The following BMERB1 variants were observed in gnomAD, a reference collection of about 807,000 sequenced individuals.
BMERB1 encodes the protein bMERB domain containing 1, also known as bMERB domain-containing protein 1.
A neutral mutation model predicts 23.6 loss-of-function variants in BMERB1; 12 were observed. The ratio of observed to expected loss-of-function variants is 0.51; its 90% CI spans 0.33 to 0.82. The LOEUF (loss-of-function observed/expected upper bound fraction) is 0.82, where lower values mean the gene tolerates loss of function less well. Ranked by LOEUF, BMERB1 falls within the 40% of genes least tolerant of loss-of-function variation. The pLI is 0.03. For synonymous variants in BMERB1, 122 were observed against 96.6 expected, an observed-to-expected ratio of 1.26 and a Z score of -1.54; for missense variants, 247 against 255.4, an observed-to-expected ratio of 0.97 and a Z score of 0.22.
At chr16:15,512,108 A>G (rs2051675151) in intron 1 of BMERB1, among the ~76,000 whole-genome samples, 1 of 151,370 alleles carries the variant, frequency 6.6e-6, no homozygotes, top group African/African-American at 2.4e-5. Context: ...CCAGAGAATT[A>G]CCTTCTTTCT....
At chr16:15,545,840 G>C (rs1465494108) in intron 2 of BMERB1, among the ~76,000 whole-genome samples, 1 of 152,144 alleles carries the variant, frequency 6.6e-6, no homozygotes, top group African/African-American at 2.4e-5. Context: ...AGGGTTTGGA[G>C]GTTGAGCAGC....
intron 1 of BMERB1, among the ~76,000 whole-genome samples, chr16:15,501,096 T>G (rs1463319152): frequency 2.6e-5 from 4 of 152,186 alleles, no homozygotes; most frequent in African/African-American, 9.7e-5. Context: ...ATCTATTGGA[T>G]TAAATAAAAT....
intron 2 of BMERB1, among the ~76,000 whole-genome samples, chr16:15,532,461 C>T (rs535396588): frequency 6.6e-6 from 1 of 152,046 alleles, no homozygotes; most frequent in South Asian, 2.1e-4. Flanking sequence ...AACTCCTGAC[C>T]TCGTGATTCG....
chr16:15,537,220 C>T (rs990671804), intron 2 of BMERB1, among the ~76,000 whole-genome samples: 2 of 152,170 alleles, frequency 1.3e-5, no homozygotes, highest in Non-Finnish European at 2.9e-5. Context: ...TGTCATCATT[C>T]AATGACTATT....
intron 1 of BMERB1, among the ~76,000 whole-genome samples, chr16:15,467,943 G>A (rs779963382): frequency 1.2e-4 from 19 of 152,100 alleles, no homozygotes; most frequent in East Asian, 3.8e-4. Context: ...ATTGATTGAA[G>A]GAGTTAAGTT....
At chr16:15,440,473 C>T (rs2050930654) in intron 1 of BMERB1, among the ~76,000 whole-genome samples, 1 of 151,980 alleles carries the variant, frequency 6.6e-6, no homozygotes, top group Admixed American at 6.6e-5. Context: ...TGAAATAATG[C>T]AAATTGCTGG....
At chr16:15,465,479 A>G (rs970711638) in intron 1 of BMERB1, among the ~76,000 whole-genome samples, 5 of 151,710 alleles carry the variant, frequency 3.3e-5, no homozygotes, top group African/African-American at 1.2e-4. Context: ...CAGCCTCCCA[A>G]GTAGCTGGGA....
intron 3 of BMERB1, among the ~76,000 whole-genome samples, chr16:15,579,824 C>G (rs1209855816): frequency 6.6e-6 from 1 of 152,224 alleles, no homozygotes; most frequent in Non-Finnish European, 1.5e-5. Context: ...TCTCCTCACC[C>G]CCTGCCTTTG....
At chr16:15,441,209 T>A (rs955710172) in intron 1 of BMERB1, among the ~76,000 whole-genome samples, 1 of 152,114 alleles carries the variant, frequency 6.6e-6, no homozygotes, top group Non-Finnish European at 1.5e-5. Flanking sequence ...TAACATGAAC[T>A]GTTATGTTTT....
intron 1 of BMERB1, among the ~76,000 whole-genome samples, chr16:15,437,334 C>A (rs1313410223): frequency 6.6e-6 from 1 of 152,110 alleles, no homozygotes; most frequent in Non-Finnish European, 1.5e-5. Context: ...CCTCACTCTG[C>A]CTTCATTTTC....
chr16:15,567,113 C>G (rs1022737870), intron 2 of BMERB1, among the ~76,000 whole-genome samples: 1 of 152,114 alleles, frequency 6.6e-6, no homozygotes, highest in African/African-American at 2.4e-5. Flanking sequence ...ATCCCTTGAG[C>G]CCAGGAGTTC....
chr16:15,489,685 C>T (rs942177381), intron 1 of BMERB1, among the ~76,000 whole-genome samples: 1 of 152,130 alleles, frequency 6.6e-6, no homozygotes, highest in Non-Finnish European at 1.5e-5. Flanking sequence ...CGTGGGTCCT[C>T]CATGACTCAT....
intron 3 of BMERB1, among the ~76,000 whole-genome samples, chr16:15,572,942 G>A (rs2030765702): frequency 1.3e-5 from 2 of 152,194 alleles, no homozygotes; most frequent in Non-Finnish European, 2.9e-5. Flanking sequence ...TGTGCTGCCT[G>A]CTGCCAAGTA....
chr16:15,551,190 A>G (rs1338624119), intron 2 of BMERB1, among the ~76,000 whole-genome samples: 2 of 152,308 alleles, frequency 1.3e-5, no homozygotes, highest in East Asian at 1.9e-4. Flanking sequence ...GGTGTCTATC[A>G]TGAGACTTGA....
At chr16:15,496,048 ATGG>A (rs1022043926) in intron 1 of BMERB1, among the ~76,000 whole-genome samples, 3 of 151,160 alleles carry the variant, frequency 2.0e-5, no homozygotes, top group Admixed American at 6.6e-5. Context: ...GGTGGTAATG[ATGG>A]TGGTGATGGT....
chr16:15,515,557 A>G, intron 2 of BMERB1, 129 bp downstream of exon 2: 1 of 1,295,290 alleles, frequency 7.7e-7, no homozygotes, highest in Non-Finnish European at 1.0e-6. Context: ...TAAAAGCCTC[A>G]TTTGATTCTC....
In BMERB1 at chr16:15,566,215, T is replaced by C. The variant is rs2150971443; in HGVS notation, c.231-1768T>C. Among the ~76,000 whole-genome samples, 3 of 152,294 alleles carry C rather than the reference T, an allele frequency of 2.0e-5. No individual in the cohort carries two copies. The South Asian group carries it at 6.2e-4, about 32-fold the overall frequency. On this transcript the variant is annotated intron_variant, in intron 2 of 5. Coordinates refer to ENST00000300006, the MANE Select transcript of BMERB1 (RefSeq NM_033201.3). Reference sequence around the variant, plus strand: ...TTGTAGCACACACACAAAACCATAATGTGTAATGCAAAATTATAATGTGTA... The same window carrying C: ...TTGTAGCACACACACAAAACCATAACGTGTAATGCAAAATTATAATGTGTA...
intron 1 of BMERB1, among the ~76,000 whole-genome samples, chr16:15,465,126 C>T (rs142786555): frequency 2.6e-5 from 4 of 152,260 alleles, no homozygotes; most frequent in African/African-American, 9.6e-5. Context: ...CACACATACA[C>T]ACACACACCA....
chr16:15,578,804 C>T (rs1349510398), intron 3 of BMERB1, among the ~76,000 whole-genome samples: 1 of 152,134 alleles, frequency 6.6e-6, no homozygotes, highest in Non-Finnish European at 1.5e-5. Context: ...TCATAATCTA[C>T]TCACTTCCCA....
Sources: gnomAD v4.1 joint callset for allele counts (sites outside exome capture counted in the v4.1 genomes callset) on GRCh38, gnomAD v4.1.1 for gene constraint, MANE v1.5 for transcripts, NCBI Gene and HGNC (gene_info 2026-07-23, HGNC 2026-07-21) for gene names.